DYNC1I1: variants seen among roughly 807,000 people sequenced by gnomAD.
DYNC1I1 encodes dynein cytoplasmic 1 intermediate chain 1, also known as cytoplasmic dynein 1 intermediate chain 1.
In DYNC1I1, 43 loss-of-function variants were observed where a neutral mutation model predicts 86.6. The ratio of observed to expected loss-of-function variants is 0.50; its 90% CI spans 0.39 to 0.64. The LOEUF is 0.64. Ranked by LOEUF, DYNC1I1 falls within the 30% of genes least tolerant of loss-of-function variation. The probability of loss-of-function intolerance (pLI) is 0.00; values close to 1 mark genes in which losing one functional copy is unlikely to be tolerated. For missense variants in DYNC1I1, 604 were observed against 788.8 expected (o/e 0.77, Z 2.81); for synonymous variants, 262 against 283.7 (o/e 0.92, Z 0.77).
At chr7:95,779,415 T>C (rs1456528054) in intron 1 of DYNC1I1, among the ~76,000 whole-genome samples, 1 of 152,162 alleles carries the variant, frequency 6.6e-6, no homozygotes, top group Non-Finnish European at 1.5e-5. Context: ...GCAAAGTTAT[T>C]GTGAGGATTG....
chr7:95,858,366 A>G (rs1465459259), intron 5 of DYNC1I1, among the ~76,000 whole-genome samples: 1 of 152,190 alleles, frequency 6.6e-6, no homozygotes, highest in Non-Finnish European at 1.5e-5. Context: ...GAGACATAGT[A>G]ATCATGAGAT....
intron 15 of DYNC1I1, among the ~76,000 whole-genome samples, chr7:96,078,588 T>G (rs2116258196): frequency 6.6e-6 from 1 of 152,282 alleles, no homozygotes; most frequent in African/African-American, 2.4e-5. Context: ...ATAAAAATTC[T>G]TGAAAATGTA....
In DYNC1I1 at chr7:96,028,298, C is replaced by A; in HGVS notation, c.1093C>A (p.Pro365Thr). ...SHRRTPVQRT[P>T]LSAAAHTHPV... ...TCGAAGGACTCCAGTGCAGCGGACA[C>A]CCTTATCAGCTGCTGCACACACGGT... The change falls in exon 11 of 17, where the codon CCC (proline) becomes ACC (threonine). Residue 365 changes from proline (P) to threonine (T), a missense_variant. Coordinates refer to ENST00000447467, the MANE Select transcript of DYNC1I1 (RefSeq NM_001135556.2). 6.2e-7 allele frequency: 1 copy of A among 1,612,832 alleles called. No individual in the cohort carries two copies.
At chr7:95,916,901 T>C (rs1199268880) in intron 6 of DYNC1I1, among the ~76,000 whole-genome samples, 1 of 152,226 alleles carries the variant, frequency 6.6e-6, no homozygotes, top group Non-Finnish European at 1.5e-5. Context: ...TCAAAGTTGT[T>C]TCTTTGTGTC....
In DYNC1I1 at chr7:96,098,006, A is replaced by C; in HGVS notation, c.*413A>C. 1 of 992,662 alleles carries C rather than the reference A, an allele frequency of 1.0e-6. No homozygotes were observed. Among genetic ancestry groups the C allele is most frequent in the Non-Finnish European group, 1.2e-6 (1 of 834,024 alleles). The allele number at this position is 992,662 out of a possible 1,614,324, so 61.5% of individuals were successfully genotyped here. A position where few individuals can be genotyped will look rare whatever the true frequency, so the allele number is the denominator to read the frequency against. ...TTCCTCATATTATGGTACAGGGCCA[A>C]AGACTTGAGACGTGGTGTTTTACAT... On this transcript the variant is annotated 3_prime_UTR_variant, in exon 17 of 17. Transcript: ENST00000447467.
At chr7:95,937,483 G>A (rs1053830329) in intron 6 of DYNC1I1, among the ~76,000 whole-genome samples, 17 of 149,206 alleles carry the variant, frequency 1.1e-4, no homozygotes, top group East Asian at 4.0e-4. Context: ...TTCGATGTAT[G>A]GACCTTAATT....
intron 14 of DYNC1I1, 146 bp downstream of exon 14, chr7:96,039,567 C>T: frequency 5.6e-6 from 5 of 889,010 alleles, no homozygotes; most frequent in East Asian, 5.3e-5. Flanking sequence ...CAGTCTACCT[C>T]AGAGCTAGTT....
At chr7:95,876,124 C>CA (rs1790303505) in intron 6 of DYNC1I1, among the ~76,000 whole-genome samples, 1 of 150,822 alleles carries the variant, frequency 6.6e-6, no homozygotes, top group Non-Finnish European at 1.5e-5. Context: ...TTCAGATTCC[C>CA]AAAAAAGGAG....
At chr7:96,045,188 G>C (rs920377023) in intron 14 of DYNC1I1, among the ~76,000 whole-genome samples, 2 of 152,120 alleles carry the variant, frequency 1.3e-5, no homozygotes, top group African/African-American at 4.8e-5. Context: ...GATGAAGGAA[G>C]TAATTGAATA....
intron 4 of DYNC1I1, among the ~76,000 whole-genome samples, chr7:95,817,000 T>C (rs1324977082): frequency 6.6e-6 from 1 of 152,180 alleles, no homozygotes; most frequent in East Asian, 1.9e-4. Context: ...AGAACGGCTT[T>C]TGTTTAGTTG....
chr7:95,960,516 G>C (rs998268484), intron 6 of DYNC1I1, among the ~76,000 whole-genome samples: 1 of 152,212 alleles, frequency 6.6e-6, no homozygotes, highest in Non-Finnish European at 1.5e-5. Context: ...TGGCCAGAAA[G>C]ACCCACCAGC....
At chr7:95,798,896 T>C (rs997480209) in intron 1 of DYNC1I1, among the ~76,000 whole-genome samples, 5 of 152,168 alleles carry the variant, frequency 3.3e-5, no homozygotes, top group African/African-American at 1.2e-4. Flanking sequence ...CATTGTTGGG[T>C]TCGAGAAAAG....
At chr7:95,968,703 T>A (rs1793081473) in intron 6 of DYNC1I1, among the ~76,000 whole-genome samples, 1 of 152,150 alleles carries the variant, frequency 6.6e-6, no homozygotes, top group African/African-American at 2.4e-5. Context: ...GAATAGAGAA[T>A]GGAATTGTCT....
At chr7:95,939,696 C>T (rs1232505999) in intron 6 of DYNC1I1, among the ~76,000 whole-genome samples, 2 of 151,694 alleles carry the variant, frequency 1.3e-5, no homozygotes, top group Admixed American at 6.6e-5. Flanking sequence ...TGTGTCTCTG[C>T]ACGTGAGATG....
At chr7:95,909,987 G>C (rs1201224323) in intron 6 of DYNC1I1, among the ~76,000 whole-genome samples, 1 of 152,182 alleles carries the variant, frequency 6.6e-6, no homozygotes, top group African/African-American at 2.4e-5. Flanking sequence ...GTGGTCCTGG[G>C]TCAGAAGACT....
intron 5 of DYNC1I1, among the ~76,000 whole-genome samples, chr7:95,836,892 A>G: frequency 6.6e-6 from 1 of 150,950 alleles, no homozygotes; most frequent in Admixed American, 6.6e-5. Context: ...AAAGTTTTCA[A>G]CTTCTTTGCC....
chr7:95,938,052 G>C (rs1364399429), intron 6 of DYNC1I1, among the ~76,000 whole-genome samples: 1 of 152,004 alleles, frequency 6.6e-6, no homozygotes, highest in Non-Finnish European at 1.5e-5. Flanking sequence ...GGTGCCTGAG[G>C]CTTTCCTTAA....
intron 6 of DYNC1I1, among the ~76,000 whole-genome samples, chr7:95,929,799 A>T (rs1478505370): frequency 6.6e-6 from 1 of 152,174 alleles, no homozygotes; most frequent in African/African-American, 2.4e-5. Context: ...TTCATTTCAC[A>T]TTATGTTTCA....
At chr7:95,824,341 A>G (rs575141253) in intron 4 of DYNC1I1, among the ~76,000 whole-genome samples, 2 of 151,928 alleles carry the variant, frequency 1.3e-5, no homozygotes, top group East Asian at 3.9e-4. Flanking sequence ...TTCCTTGAAC[A>G]TTTTTTCAAC....
Sources: gnomAD v4.1 joint callset for allele counts (sites outside exome capture counted in the v4.1 genomes callset) on GRCh38, gnomAD v4.1.1 for gene constraint, MANE v1.5 for transcripts, NCBI Gene and HGNC (gene_info 2026-07-23, HGNC 2026-07-21) for gene names.